The following SGCZ variants were observed in gnomAD, a reference collection of about 807,000 sequenced individuals.
SGCZ encodes the protein zeta-sarcoglycan.
In SGCZ, 40 loss-of-function variants were observed where a neutral mutation model predicts 41.3. The ratio of observed to expected loss-of-function variants is 0.97; its 90% CI spans 0.75 to 1.26. The LOEUF (loss-of-function observed/expected upper bound fraction) is 1.26. Among genes scored for constraint, SGCZ ranks in the 50% most tolerant of loss-of-function variants. SGCZ has a pLI of 0.00. For synonymous variants in SGCZ, 206 were observed against 137.5 expected (o/e 1.50, Z -3.49); for missense variants, 552 against 369.8 (o/e 1.49, Z -4.04).
intron 1 of SGCZ, among the ~76,000 whole-genome samples, chr8:14,891,092 T>G (rs1804996562): frequency 6.6e-6 from 1 of 152,216 alleles, no homozygotes; most frequent in Non-Finnish European, 1.5e-5. Flanking sequence ...AGGAGATTAA[T>G]GTTTCCATGC....
intron 1 of SGCZ, among the ~76,000 whole-genome samples, chr8:14,564,435 T>C (rs1476259629): frequency 6.6e-6 from 1 of 152,196 alleles, no homozygotes; most frequent in African/African-American, 2.4e-5. Context: ...AGCTTGTCCA[T>C]TGCCTTCTGT....
At chr8:14,597,471 T>C (rs1312185289) in intron 1 of SGCZ, among the ~76,000 whole-genome samples, 1 of 152,166 alleles carries the variant, frequency 6.6e-6, no homozygotes, top group East Asian at 1.9e-4. Flanking sequence ...ATTCCTTTTT[T>C]TGTTTGTTTG....
chr8:15,171,464 G>A (rs1175187587), intron 1 of SGCZ, among the ~76,000 whole-genome samples: 2 of 152,164 alleles, frequency 1.3e-5, no homozygotes, highest in African/African-American at 2.4e-5. Context: ...AATGATGGAA[G>A]CACCCACTGA....
chr8:14,767,386 G>A (rs959660855), intron 1 of SGCZ, among the ~76,000 whole-genome samples: 1 of 152,166 alleles, frequency 6.6e-6, no homozygotes, highest in African/African-American at 2.4e-5. Flanking sequence ...TCTCAAAAGT[G>A]TTTTTAGTAG....
At chr8:14,235,973 G>A (rs1209182366) in intron 4 of SGCZ, among the ~76,000 whole-genome samples, 1 of 152,224 alleles carries the variant, frequency 6.6e-6, no homozygotes, top group East Asian at 1.9e-4. Context: ...ATGAGCTCCC[G>A]TGCCTGACCC....
At chr8:14,579,900 A>G (rs887779137) in intron 1 of SGCZ, among the ~76,000 whole-genome samples, 3 of 152,158 alleles carry the variant, frequency 2.0e-5, no homozygotes, top group African/African-American at 7.2e-5. Flanking sequence ...GTCTAAGCAG[A>G]TGTTTTATGT....
chr8:14,740,583 C>T (rs1168830386), intron 1 of SGCZ, among the ~76,000 whole-genome samples: 3 of 152,028 alleles, frequency 2.0e-5, no homozygotes, highest in African/African-American at 7.2e-5. Context: ...CAGTGTGGAA[C>T]TGCACTAATT....
At chr8:14,146,834 T>C (rs1397691235) in intron 5 of SGCZ, among the ~76,000 whole-genome samples, 1 of 138,166 alleles carries the variant, frequency 7.2e-6, no homozygotes, top group East Asian at 2.1e-4. Flanking sequence ...ATCCCGCCAC[T>C]GCACTCCAGC....
At chr8:14,972,967 G>C (rs1038452018) in intron 1 of SGCZ, among the ~76,000 whole-genome samples, 1 of 151,844 alleles carries the variant, frequency 6.6e-6, no homozygotes, top group Admixed American at 6.6e-5. Context: ...TTTCTTTCTG[G>C]TGTCATGTTC....
At chr8:14,497,548 T>TTGTGTGTGCGTATGTG (rs1802025141) in intron 2 of SGCZ, among the ~76,000 whole-genome samples, 1 of 150,920 alleles carries the variant, frequency 6.6e-6, no homozygotes, top group South Asian at 2.1e-4. Context: ...ATTATGAGCT[T>TTGTGTGTGCGTATGTG]TGTGTGTGCG....
At chr8:14,691,423 A>G (rs1178816502) in intron 1 of SGCZ, among the ~76,000 whole-genome samples, 2 of 152,142 alleles carry the variant, frequency 1.3e-5, no homozygotes, top group Non-Finnish European at 2.9e-5. Flanking sequence ...AGGGAAAGAA[A>G]GAAAGTACCA....
intron 2 of SGCZ, among the ~76,000 whole-genome samples, chr8:14,458,790 G>A (rs1233840774): frequency 3.3e-5 from 5 of 152,118 alleles, no homozygotes; most frequent in Non-Finnish European, 1.5e-5. Flanking sequence ...CAGAAGCAAT[G>A]AGGACACCAA....
intron 1 of SGCZ, among the ~76,000 whole-genome samples, chr8:15,079,021 C>T (rs1048493667): frequency 9.9e-5 from 15 of 152,068 alleles, no homozygotes; most frequent in African/African-American, 3.6e-4. Flanking sequence ...ATCTTTGAGC[C>T]TTGGCTTTAT....
chr8:14,738,705 G>A (rs1209646932), intron 1 of SGCZ, among the ~76,000 whole-genome samples: 1 of 152,036 alleles, frequency 6.6e-6, no homozygotes, highest in African/African-American at 2.4e-5. Flanking sequence ...AGGAGTCATG[G>A]TATCCCAAGG....
chr8:14,307,049 A>G (rs897685854), intron 3 of SGCZ, among the ~76,000 whole-genome samples: 2 of 152,186 alleles, frequency 1.3e-5, no homozygotes, highest in African/African-American at 4.8e-5. Flanking sequence ...AAGAAATGGG[A>G]AAGAGAAAAT....
chr8:14,131,065 G>C (rs1339538273), intron 5 of SGCZ, among the ~76,000 whole-genome samples: 2 of 152,112 alleles, frequency 1.3e-5, no homozygotes, highest in Non-Finnish European at 2.9e-5. Flanking sequence ...TTGGAACGCT[G>C]TCCCTCTGCA....
At chr8:15,072,261 A>G (rs1423593900) in intron 1 of SGCZ, among the ~76,000 whole-genome samples, 1 of 152,162 alleles carries the variant, frequency 6.6e-6, no homozygotes, top group Admixed American at 6.5e-5. Context: ...AAACTCCTTC[A>G]TGCAGAACTC....
In SGCZ at chr8:14,789,156, G is replaced by A. The variant is rs117460103; in HGVS notation, c.40-234230C>T. 1.4e-3 allele frequency among the ~76,000 whole-genome samples: 220 copies of A among 152,048 alleles called. 2 individuals are homozygous for A. Among genetic ancestry groups the A allele is most frequent in the Admixed American group, 6.9e-3 (106 of 15,262 alleles). The stretch of plus-strand genomic sequence containing the variant: ...CTCCTGTTGTGTTTACAAACACTGG[G>A]CACTATGCACGATGCTTGGGGGCCA... On this transcript the variant is annotated intron_variant, in intron 1 of 7. Coordinates refer to ENST00000382080, the MANE Select transcript of SGCZ (RefSeq NM_139167.4).
At chr8:14,715,895 T>G (rs1428560541) in intron 1 of SGCZ, among the ~76,000 whole-genome samples, 1 of 152,116 alleles carries the variant, frequency 6.6e-6, no homozygotes, top group African/African-American at 2.4e-5. Flanking sequence ...GGAGCTGGCA[T>G]GAACACAACA....
Sources: allele counts gnomAD v4.1 joint callset (sites outside exome capture counted in the v4.1 genomes callset), GRCh38; gene constraint gnomAD v4.1.1; transcripts MANE v1.5; gene names NCBI Gene and HGNC (gene_info 2026-07-23, HGNC 2026-07-21).